Variants in DNAH3 observed in about 807,000 individuals in gnomAD.
DNAH3 encodes the protein axonemal beta dynein heavy chain 3.
In DNAH3, 332 loss-of-function variants were observed where a neutral mutation model predicts 432.5. That is an observed-to-expected ratio of 0.77 (90% CI 0.70 to 0.84). The LOEUF is 0.84. Ranked by LOEUF, DNAH3 falls within the 40% of genes least tolerant of loss-of-function variation. The probability of loss-of-function intolerance (pLI) is 0.00; values close to 1 mark genes in which losing one functional copy is unlikely to be tolerated. For synonymous variants in DNAH3, 1,956 were observed against 1,900.2 expected, an observed-to-expected ratio of 1.03 and a Z score of -0.76; for missense variants, 4,861 against 5,114.0, an observed-to-expected ratio of 0.95 and a Z score of 1.51.
At chr16:21,018,905 T>A (rs1051047867) in intron 41 of DNAH3, among the ~76,000 whole-genome samples, 2 of 147,502 alleles carry the variant, frequency 1.4e-5, no homozygotes, top group South Asian at 2.2e-4. Context: ...AAAAAAAAAA[T>A]TATAATGACA....
chr16:20,979,930 A>G (rs2085778718), intron 49 of DNAH3, among the ~76,000 whole-genome samples: 1 of 150,954 alleles, frequency 6.6e-6, no homozygotes. Context: ...TTCTATTTTC[A>G]GTAGAGGCAG....
chr16:21,058,162 C>A (rs890496878), exon 27 of DNAH3: 2 of 1,613,840 alleles, frequency 1.2e-6, no homozygotes, highest in Middle Eastern at 1.7e-4. Flanking sequence ...AACCACCTGT[C>A]CAGGCCACTG....
At chr16:21,154,188 G>C (rs1380891596) in intron 1 of DNAH3, among the ~76,000 whole-genome samples, 1 of 152,234 alleles carries the variant, frequency 6.6e-6, no homozygotes, top group Non-Finnish European at 1.5e-5. Flanking sequence ...TGGATCGCCT[G>C]AGGTCAGGGG....
At chr16:21,141,433 C>A in intron 3 of DNAH3, 61 bp from the exon 5 acceptor site, 2 of 1,247,780 alleles carry the variant, frequency 1.6e-6, no homozygotes, top group Non-Finnish European at 2.3e-6. Flanking sequence ...ATTCTCCGTC[C>A]ACAGGGGCAT....
chr16:21,000,004 A>G, intron 43 of DNAH3, among the ~76,000 whole-genome samples: 1 of 141,160 alleles, frequency 7.1e-6, no homozygotes, highest in East Asian at 2.5e-4. Flanking sequence ...GAAGGAAGGA[A>G]GGAGAAAAGG....
intron 18 of DNAH3, among the ~76,000 whole-genome samples, chr16:21,090,034 T>A (rs568897149): frequency 1.4e-3 from 211 of 152,150 alleles, no homozygotes; most frequent in Middle Eastern, 3.4e-3. Context: ...AATAAGGGAA[T>A]GCTATAAACA....
Position 21,034,490 on chromosome 16 carries a change from C to G in DNAH3, c.5086-405G>C, listed in dbSNP as rs760566133. ...ACAGGGCTATTTGACTTTAACGCCT[C>G]TAATATTTTCATGACACTATTGCCA... On this transcript the variant is annotated intron_variant, in intron 35 of 61. Coordinates refer to ENST00000261383, the Ensembl canonical transcript of DNAH3. Among the ~76,000 whole-genome samples, 93 of 152,128 alleles carry G rather than the reference C, an allele frequency of 6.1e-4. 2 individuals are homozygous for G. Among genetic ancestry groups the G allele is most frequent in the Non-Finnish European group, 2.2e-4 (15 of 68,026 alleles).
chr16:20,978,567 C>T (rs184088519), intron 50 of DNAH3, among the ~76,000 whole-genome samples: 1 of 152,200 alleles, frequency 6.6e-6, no homozygotes, highest in Admixed American at 6.6e-5. Flanking sequence ...CAAAGTCTCA[C>T]TCTGTTACCC....
chr16:20,988,454 G>A (rs1005200464), intron 44 of DNAH3, among the ~76,000 whole-genome samples: 23 of 151,996 alleles, frequency 1.5e-4, no homozygotes, highest in African/African-American at 3.1e-4. Context: ...CCCCTCTGTT[G>A]CCCAGGCTGG....
At chr16:21,084,823 G>A (rs1330482359) in intron 19 of DNAH3, among the ~76,000 whole-genome samples, 2 of 152,078 alleles carry the variant, frequency 1.3e-5, no homozygotes, top group Non-Finnish European at 2.9e-5. Flanking sequence ...CATAGAGGAA[G>A]CACCAGGTGG....
At chr16:21,134,794 C>T (rs1433455934) in intron 6 of DNAH3, among the ~76,000 whole-genome samples, 2 of 152,188 alleles carry the variant, frequency 1.3e-5, no homozygotes, top group Non-Finnish European at 2.9e-5. Context: ...TCAAGCCATT[C>T]TCCTGCCTCA....
chr16:21,107,662 T>C (rs1212296431), intron 14 of DNAH3, among the ~76,000 whole-genome samples: 1 of 152,160 alleles, frequency 6.6e-6, no homozygotes, highest in Non-Finnish European at 1.5e-5. Context: ...TTTTCAAACA[T>C]AAGACTGAAA....
intron 56 of DNAH3, 52 bp downstream of exon 56, chr16:20,952,381 G>T: frequency 2.7e-6 from 3 of 1,092,846 alleles, no homozygotes; most frequent in South Asian, 1.2e-5. Context: ...ACAGCAGGAG[G>T]GTGGAACATG....
intron 48 of DNAH3, among the ~76,000 whole-genome samples, chr16:20,983,602 C>T (rs929276947): frequency 2.6e-5 from 4 of 151,978 alleles, no homozygotes; most frequent in South Asian, 2.1e-4. Context: ...TTTCTGATCC[C>T]ATCTCTGGCC....
chr16:20,964,295 T>C, exon 53 of DNAH3: 2 of 1,613,896 alleles, frequency 1.2e-6, no homozygotes, highest in Non-Finnish European at 1.7e-6. Flanking sequence ...CCCAAGGGGG[T>C]GATCATGAAG....
chr16:21,155,031 C>T (rs1051529836), intron 1 of DNAH3, among the ~76,000 whole-genome samples: 12 of 149,936 alleles, frequency 8.0e-5, no homozygotes, highest in African/African-American at 2.9e-4. Context: ...CTCACTGTAA[C>T]CTCCACCTCC....
intron 29 of DNAH3, 68 bp from the exon 30 acceptor site, chr16:21,050,086 T>C: frequency 8.8e-7 from 1 of 1,131,872 alleles, no homozygotes; most frequent in Non-Finnish European, 1.3e-6. Flanking sequence ...GGCTTTTCAT[T>C]TATTTTGACT....
At chr16:21,064,860 GGTGTGTGTGTGTGTGTGTGT>G (rs369066790) in intron 24 of DNAH3, among the ~76,000 whole-genome samples, 2 of 131,700 alleles carry the variant, frequency 1.5e-5, no homozygotes, top group East Asian at 2.1e-4. Context: ...TATTGAGGTA[GGTGTGTGTGTGTGTGTGTGT>G]GTGTGTGTGT....
At chr16:20,944,748 C>T in intron 57 of DNAH3, 85 bp from the exon 58 acceptor site, 15 of 1,308,228 alleles carry the variant, frequency 1.1e-5, no homozygotes, top group Non-Finnish European at 1.6e-5. Context: ...CCAATCAGAA[C>T]AGGAATCATA....
Sources: gnomAD v4.1 joint callset for allele counts (sites outside exome capture counted in the v4.1 genomes callset) on GRCh38, gnomAD v4.1.1 for gene constraint, MANE v1.5 for transcripts, NCBI Gene and HGNC (gene_info 2026-07-23, HGNC 2026-07-21) for gene names.